Variants in VIT observed in about 807,000 individuals in gnomAD.
The protein encoded by VIT is vitrin.
VIT carries 99 observed loss-of-function variants against 78.0 expected under a neutral mutation model. That is an observed-to-expected ratio of 1.27 (90% confidence interval 1.08 to 1.50). The LOEUF (loss-of-function observed/expected upper bound fraction) is 1.50, where lower values mean the gene tolerates loss of function less well. Ranked by LOEUF, VIT falls within the 40% of genes most tolerant of loss-of-function variation. VIT has a pLI of 0.00. For missense variants in VIT, 1,126 were observed against 875.3 expected (o/e 1.29, Z -3.61); for synonymous variants, 374 against 334.3 (o/e 1.12, Z -1.29).
At chr2:36,729,545 G>A in intron 3 of VIT, 54 bp downstream of exon 3, 3 of 1,551,268 alleles carry the variant, frequency 1.9e-6, no homozygotes, top group Middle Eastern at 1.7e-4. Flanking sequence ...CCCACATGGA[G>A]GGTTATTATA....
At chr2:36,702,536 C>T (rs147758077) in intron 1 of VIT, among the ~76,000 whole-genome samples, 1 of 152,318 alleles carries the variant, frequency 6.6e-6, no homozygotes, top group African/African-American at 2.4e-5. Context: ...GTCTCATCCT[C>T]CACATCCAGG....
intron 1 of VIT, among the ~76,000 whole-genome samples, chr2:36,700,167 T>G (rs1664962733): frequency 6.6e-6 from 1 of 152,192 alleles, no homozygotes; most frequent in Admixed American, 6.5e-5. Context: ...AATATAATCA[T>G]TAGAAACTAG....
intron 13 of VIT, among the ~76,000 whole-genome samples, chr2:36,805,021 G>A (rs1202751581): frequency 6.6e-6 from 1 of 152,010 alleles, no homozygotes; most frequent in Non-Finnish European, 1.5e-5. Flanking sequence ...AAAAGTAACA[G>A]GCCGGGTGCA....
chr2:36,717,407 GGGGTTT>G (rs1666232123), intron 2 of VIT, among the ~76,000 whole-genome samples: 1 of 131,406 alleles, frequency 7.6e-6, no homozygotes, highest in Admixed American at 7.9e-5. Flanking sequence ...TAGTAGAGAT[GGGGTTT>G]CACCGTGTGA....
intron 2 of VIT, among the ~76,000 whole-genome samples, chr2:36,725,612 G>C (rs866228961): frequency 0.034 from 3,098 of 90,130 alleles, 111 homozygotes; most frequent in African/African-American, 0.12. Flanking sequence ...TGGGGGGGGG[G>C]TGGGTAAACA....
At chr2:36,791,606 G>T (rs1022253428) in intron 12 of VIT, among the ~76,000 whole-genome samples, 5 of 152,180 alleles carry the variant, frequency 3.3e-5, no homozygotes, top group Admixed American at 2.0e-4. Flanking sequence ...TTCAAAGGGA[G>T]GTGTGACGAT....
chr2:36,810,424 T>C (rs1572587597), intron 15 of VIT, among the ~76,000 whole-genome samples: 1 of 152,234 alleles, frequency 6.6e-6, no homozygotes. Context: ...ATGCCTTTAT[T>C]GCAGAATTTA....
intron 7 of VIT, among the ~76,000 whole-genome samples, chr2:36,771,265 C>T (rs1455647091): frequency 1.3e-5 from 2 of 152,166 alleles, no homozygotes; most frequent in Non-Finnish European, 2.9e-5. Flanking sequence ...CCCGGTGGCT[C>T]ACGCCTGTAA....
At chr2:36,709,887 G>A (rs1043035921) in intron 1 of VIT, among the ~76,000 whole-genome samples, 2 of 152,226 alleles carry the variant, frequency 1.3e-5, no homozygotes, top group African/African-American at 4.8e-5. Context: ...GCTTTATTCT[G>A]TAGAGAATGA....
chr2:36,804,934 A>G (rs1572573748), intron 13 of VIT, among the ~76,000 whole-genome samples: 1 of 152,222 alleles, frequency 6.6e-6, no homozygotes, highest in South Asian at 2.1e-4. Context: ...CAAAATGGAC[A>G]GTGGTAACGG....
At chr2:36,802,528 C>T (rs760600627) in intron 13 of VIT, among the ~76,000 whole-genome samples, 1 of 152,188 alleles carries the variant, frequency 6.6e-6, no homozygotes, top group Non-Finnish European at 1.5e-5. Context: ...CTAACACATA[C>T]AGAGCTTTTC....
intron 12 of VIT, among the ~76,000 whole-genome samples, chr2:36,789,518 CAA>C (rs1553378187): frequency 6.6e-6 from 1 of 152,156 alleles, no homozygotes; most frequent in Non-Finnish European, 1.5e-5. Context: ...GGAAACAAAA[CAA>C]ATGAGAGGGC....
intron 1 of VIT, among the ~76,000 whole-genome samples, chr2:36,710,057 T>C (rs1245856322): frequency 1.1e-4 from 17 of 152,212 alleles, no homozygotes; most frequent in Admixed American, 1.0e-3. Flanking sequence ...ATATTGTCTG[T>C]ATATGTTAAG....
chr2:36,801,645 T>G (rs1382668774), intron 13 of VIT, among the ~76,000 whole-genome samples: 2 of 151,904 alleles, frequency 1.3e-5, no homozygotes, highest in East Asian at 1.9e-4. Context: ...CTCTTTCTAC[T>G]AAAAATACAA....
chr2:36,754,819 T>C, intron 4 of VIT, 102 bp from the exon 5 acceptor site: 1 of 1,361,228 alleles, frequency 7.3e-7, no homozygotes, highest in Non-Finnish European at 1.0e-6. Context: ...ACCTTGCTGC[T>C]TTCCTATGTG....
chr2:36,732,855 G>A (rs72783168), intron 3 of VIT, among the ~76,000 whole-genome samples: 13,687 of 152,230 alleles, frequency 0.09, 726 homozygotes, highest in East Asian at 0.2. Flanking sequence ...TGACACACAC[G>A]GATTCTGAAG....
chr2:36,736,521 A>G (rs1437960245), intron 3 of VIT, among the ~76,000 whole-genome samples: 2 of 152,238 alleles, frequency 1.3e-5, no homozygotes, highest in African/African-American at 4.8e-5. Flanking sequence ...CACATAATGA[A>G]GCTGCAGAAG....
intron 10 of VIT, among the ~76,000 whole-genome samples, 191 bp from the exon 11 acceptor site, chr2:36,783,149 T>A (rs1664871396): frequency 6.6e-6 from 1 of 152,170 alleles, no homozygotes. Flanking sequence ...GAGTACTATG[T>A]TTTTGATAGG....
At chr2:36,766,414 C>T (rs919412825) in intron 6 of VIT, among the ~76,000 whole-genome samples, 11 of 152,160 alleles carry the variant, frequency 7.2e-5, no homozygotes, top group African/African-American at 2.7e-4. Context: ...CACCTGTAGT[C>T]CCAGCTACTT....
Sources: allele counts gnomAD v4.1 joint callset (sites outside exome capture counted in the v4.1 genomes callset), GRCh38; gene constraint gnomAD v4.1.1; transcripts MANE v1.5; gene names NCBI Gene and HGNC (gene_info 2026-07-23, HGNC 2026-07-21).